Variants in SNTG1 observed in about 807,000 individuals in gnomAD.
The protein encoded by SNTG1 is gamma-1-syntrophin.
Under a neutral mutation model 74.7 loss-of-function variants are expected in SNTG1, and 39 were observed. The ratio of observed to expected loss-of-function variants is 0.52; its 90% CI spans 0.40 to 0.68. The LOEUF (loss-of-function observed/expected upper bound fraction) is 0.68, where lower values mean the gene tolerates loss of function less well. Among genes scored for constraint, SNTG1 ranks in the 30% least tolerant of loss-of-function variants. SNTG1 has a pLI of 0.00. For synonymous variants in SNTG1, 254 were observed against 217.1 expected, an observed-to-expected ratio of 1.17 and a Z score of -1.49; for missense variants, 685 against 609.5, an observed-to-expected ratio of 1.12 and a Z score of -1.30.
At chr8:50,107,327 C>T (rs2080410824) in intron 1 of SNTG1, among the ~76,000 whole-genome samples, 1 of 151,920 alleles carries the variant, frequency 6.6e-6, no homozygotes, top group Admixed American at 6.6e-5. Flanking sequence ...GCAACATAGA[C>T]AGATAGATAT....
At chr8:50,405,599 G>A (rs904170359) in intron 4 of SNTG1, among the ~76,000 whole-genome samples, 8 of 151,956 alleles carry the variant, frequency 5.3e-5, no homozygotes, top group Non-Finnish European at 1.0e-4. Flanking sequence ...ATTGTGGATT[G>A]CCTTTTTACT....
chr8:50,461,272 C>A (rs2093559755), intron 8 of SNTG1, among the ~76,000 whole-genome samples: 2 of 148,540 alleles, frequency 1.3e-5, no homozygotes, highest in South Asian at 4.5e-4. Flanking sequence ...CTTATCACAT[C>A]ATATTAAGAG....
At chr8:50,438,226 G>A (rs562413792) in intron 4 of SNTG1, among the ~76,000 whole-genome samples, 18 of 152,154 alleles carry the variant, frequency 1.2e-4, no homozygotes, top group East Asian at 5.8e-4. Context: ...ATAAGAATAC[G>A]TAATGTGGAA....
Position 50,124,915 on chromosome 8 carries a change from T to C in SNTG1, c.-102-47646T>C, listed in dbSNP as rs1425724089. 1.3e-4 allele frequency among the ~76,000 whole-genome samples: 18 copies of C among 142,004 alleles called. 3 individuals carry two copies. Among genetic ancestry groups the C allele is most frequent in the Admixed American group, 2.9e-4 (4 of 13,772 alleles). The allele number at this position is 142,004 out of a possible 152,430, so 93.2% of individuals were successfully genotyped here. A position where few individuals can be genotyped will look rare whatever the true frequency, so the allele number is the denominator to read the frequency against. On this transcript the variant is annotated intron_variant, in intron 1 of 18. Transcript: ENST00000642720. ...AAGGGTTTGTAACTGGATTACAAAT[T>C]CTTGTGGGCAGGCAGTTACTTGCAC...
At position 50,314,515 on chromosome 8, in the gene SNTG1, T is replaced by A. The variant is rs545779152; in HGVS notation, c.-27-79697T>A. 1.9e-4 allele frequency among the ~76,000 whole-genome samples: 28 copies of A among 149,828 alleles called. 6 individuals are homozygous for A. Among genetic ancestry groups the A allele is most frequent in the African/African-American group, 6.7e-4 (27 of 40,238 alleles). ...AGTGCCTGACGGAGATGATTTTCAG[T>A]GAAAGACTTTGAGAGCCTTATTAGG... On this transcript the variant is annotated intron_variant, in intron 2 of 18. Transcript: ENST00000642720.
intron 18 of SNTG1, among the ~76,000 whole-genome samples, chr8:50,764,061 A>G (rs544989149): frequency 7.2e-5 from 11 of 151,818 alleles, no homozygotes; most frequent in Non-Finnish European, 4.4e-5. Flanking sequence ...AATGGCCCCA[A>G]TAATACAAAA....
intron 11 of SNTG1, among the ~76,000 whole-genome samples, chr8:50,549,497 TTTCCATATCCTTCAC>T (rs2094410897): frequency 6.6e-6 from 1 of 152,208 alleles, no homozygotes; most frequent in South Asian, 2.1e-4. Flanking sequence ...TTCTCTCTTT[TTTCCATATCCTTCAC>T]CCCACAGAGA....
chr8:49,918,004 T>C (rs994922907), intron 1 of SNTG1, among the ~76,000 whole-genome samples: 1 of 152,192 alleles, frequency 6.6e-6, no homozygotes, highest in African/African-American at 2.4e-5. Context: ...GACTACATGC[T>C]AGATTCCACA....
At chr8:50,495,788 C>G (rs1284985935) in intron 8 of SNTG1, among the ~76,000 whole-genome samples, 1 of 152,120 alleles carries the variant, frequency 6.6e-6, no homozygotes, top group East Asian at 1.9e-4. Flanking sequence ...CAGGAAACCA[C>G]AGAAGGGTAG....
intron 18 of SNTG1, among the ~76,000 whole-genome samples, chr8:50,764,075 GA>G (rs1159971969): frequency 5.9e-5 from 9 of 151,434 alleles, no homozygotes; most frequent in Admixed American, 2.6e-4. Flanking sequence ...TACAAAATGG[GA>G]AAAGAACAGT....
chr8:50,460,757 T>C (rs2093553800), intron 8 of SNTG1, among the ~76,000 whole-genome samples: 1 of 152,106 alleles, frequency 6.6e-6, no homozygotes. Context: ...TTCTTGATTG[T>C]TTATTTTTGT....
At chr8:50,502,330 A>G (rs2093967570) in intron 8 of SNTG1, among the ~76,000 whole-genome samples, 1 of 152,164 alleles carries the variant, frequency 6.6e-6, no homozygotes, top group Admixed American at 6.5e-5. Flanking sequence ...TGCTTTTCGA[A>G]TCATTTTCTC....
intron 13 of SNTG1, among the ~76,000 whole-genome samples, chr8:50,600,545 A>G (rs924752011): frequency 6.6e-6 from 1 of 151,956 alleles, no homozygotes; most frequent in Non-Finnish European, 1.5e-5. Flanking sequence ...GAATTTACCT[A>G]TTTCCTTTGG....
rs530873504 is a variant in SNTG1 at position 50,070,167 on chromosome 8, A to C, written c.-102-102394A>C. ...ATCAATCTTTTTATAATATTTTGAGAAGAAGAACATGTTCACTGGGGAATA... is the reference window on the plus strand; with the variant it reads ...ATCAATCTTTTTATAATATTTTGAGCAGAAGAACATGTTCACTGGGGAATA... On this transcript the variant is annotated intron_variant, in intron 1 of 18. Coordinates refer to ENST00000642720, the MANE Select transcript of SNTG1 (RefSeq NM_018967.5). Among the ~76,000 whole-genome samples, 389 of 152,312 alleles carry C rather than the reference A, an allele frequency of 2.6e-3. 1 individual carries two copies. Among genetic ancestry groups the C allele is most frequent in the African/African-American group, 8.8e-3 (366 of 41,562 alleles).
chr8:50,455,590 G>T (rs2131647436), intron 8 of SNTG1, among the ~76,000 whole-genome samples: 1 of 152,286 alleles, frequency 6.6e-6, no homozygotes, highest in African/African-American at 2.4e-5. Flanking sequence ...ATAGCATTTT[G>T]CTTGTTATGA....
chr8:50,309,113 T>C (rs1258334448), intron 2 of SNTG1, among the ~76,000 whole-genome samples: 3 of 152,178 alleles, frequency 2.0e-5, no homozygotes, highest in Non-Finnish European at 4.4e-5. Context: ...TTTTACAACA[T>C]TCATAGCCCT....
chr8:50,620,270 C>T (rs1157175778), intron 13 of SNTG1, among the ~76,000 whole-genome samples: 2 of 151,960 alleles, frequency 1.3e-5, no homozygotes, highest in East Asian at 1.9e-4. Context: ...GGGGTGAGTC[C>T]GTCTCATATT....
chr8:50,656,518 T>C (rs2095182279), intron 13 of SNTG1, among the ~76,000 whole-genome samples: 1 of 152,190 alleles, frequency 6.6e-6, no homozygotes, highest in Non-Finnish European at 1.5e-5. Flanking sequence ...TTCAACATTC[T>C]GTATTAAAGC....
At chr8:50,425,677 C>CG (rs2093154814) in intron 4 of SNTG1, among the ~76,000 whole-genome samples, 1 of 152,076 alleles carries the variant, frequency 6.6e-6, no homozygotes, top group Non-Finnish European at 1.5e-5. Flanking sequence ...GTCCCTCATG[C>CG]CAAAAAGGTT....
Sources: allele counts gnomAD v4.1 joint callset (sites outside exome capture counted in the v4.1 genomes callset), GRCh38; gene constraint gnomAD v4.1.1; transcripts MANE v1.5; gene names NCBI Gene and HGNC (gene_info 2026-07-23, HGNC 2026-07-21).